The following AKAP13 variants were observed in gnomAD, a reference collection of about 807,000 sequenced individuals.
AKAP13 encodes A-kinase anchor protein 13.
A neutral mutation model predicts 264.5 loss-of-function variants in AKAP13; 80 were observed. The ratio of observed to expected loss-of-function variants is 0.30; its 90% CI spans 0.25 to 0.36. The LOEUF is 0.36. Ranked by LOEUF, AKAP13 falls within the 10% of genes least tolerant of loss-of-function variation. AKAP13 has a pLI of 1.00. For synonymous variants in AKAP13, 1,380 were observed against 1,250.2 expected, an observed-to-expected ratio of 1.10 and a Z score of -2.19; for missense variants, 3,712 against 3,435.2, an observed-to-expected ratio of 1.08 and a Z score of -2.01.
chr15:85,513,531 C>T (rs990136743), intron 2 of AKAP13, among the ~76,000 whole-genome samples: 9 of 152,284 alleles, frequency 5.9e-5, no homozygotes, highest in South Asian at 4.1e-4. Flanking sequence ...TAACATCTTA[C>T]GCCATTTGCT....
At chr15:85,441,484 A>C (rs2073650821) in intron 1 of AKAP13, among the ~76,000 whole-genome samples, 1 of 151,926 alleles carries the variant, frequency 6.6e-6, no homozygotes, top group Non-Finnish European at 1.5e-5. Context: ...GTGTCTTTTG[A>C]AGAGGAAAAG....
chr15:85,658,443 G>C (rs1236730232), intron 11 of AKAP13, 94 bp from the exon 12 acceptor site: 51 of 1,037,770 alleles, frequency 4.9e-5, no homozygotes, highest in South Asian at 9.2e-5. Context: ...TTTGAGCAGT[G>C]TCTCTCTCCC....
At chr15:85,722,767 A>T (rs74855699) in intron 25 of AKAP13, among the ~76,000 whole-genome samples, 5,764 of 141,042 alleles carry the variant, frequency 0.041, 172 homozygotes, top group East Asian at 0.18. Context: ...TAAAACAAAT[A>T]AAAAAAAAAA....
chr15:85,476,376 CT>C (rs761792773), intron 1 of AKAP13, among the ~76,000 whole-genome samples: 49 of 152,224 alleles, frequency 3.2e-4, no homozygotes, highest in Non-Finnish European at 6.3e-4. Context: ...TCACCATCAC[CT>C]TTTATTTAGA....
At chr15:85,503,718 C>T (rs1022178261) in intron 2 of AKAP13, among the ~76,000 whole-genome samples, 3 of 152,070 alleles carry the variant, frequency 2.0e-5, no homozygotes, top group African/African-American at 7.2e-5. Context: ...AGGAAGGGGC[C>T]CAGGTTTCTA....
At chr15:85,682,089 T>C (rs2151604006) in intron 14 of AKAP13, 69 bp from the exon 15 acceptor site, 1 of 1,428,832 alleles carries the variant, frequency 7.0e-7, no homozygotes, top group Non-Finnish European at 9.8e-7. Flanking sequence ...ATTGTGAATT[T>C]ATAAATATTC....
intron 29 of AKAP13, among the ~76,000 whole-genome samples, chr15:85,728,510 G>C (rs2151745217): frequency 6.6e-6 from 1 of 152,286 alleles, no homozygotes; most frequent in East Asian, 1.9e-4. Context: ...TCCTTAAAAA[G>C]AGCCCTTGCC....
At chr15:85,465,449 C>T (rs1371896221) in intron 1 of AKAP13, among the ~76,000 whole-genome samples, 12 of 148,838 alleles carry the variant, frequency 8.1e-5, no homozygotes, top group Non-Finnish European at 4.5e-5. Flanking sequence ...GTGCCGCACC[C>T]ATTAACTCGT....
At chr15:85,690,419 G>A (rs2085214682) in intron 16 of AKAP13, among the ~76,000 whole-genome samples, 4 of 152,118 alleles carry the variant, frequency 2.6e-5, no homozygotes, top group Admixed American at 2.6e-4. Context: ...GAAATTATTT[G>A]AAAAAACCCA....
At chr15:85,470,442 T>C (rs765917500) in intron 1 of AKAP13, among the ~76,000 whole-genome samples, 4 of 152,200 alleles carry the variant, frequency 2.6e-5, no homozygotes, top group Admixed American at 6.5e-5. Flanking sequence ...GTAATTCACT[T>C]TCAACTCAGA....
intron 2 of AKAP13, among the ~76,000 whole-genome samples, chr15:85,498,199 GATATATATAT>G (rs59420326): frequency 0.59 from 79,169 of 133,670 alleles, 23,562 homozygotes; most frequent in Middle Eastern, 0.68. Context: ...AATGAAGTGA[GATATATATAT>G]ATATATATAT....
In AKAP13 at chr15:85,570,857, G is replaced by A. The variant is rs570727164; in HGVS notation, c.663-4274G>A. Among the ~76,000 whole-genome samples, 2 of 152,290 alleles carry A rather than the reference G, an allele frequency of 1.3e-5. 1 individual carries two copies. Among genetic ancestry groups the A allele is most frequent in the South Asian group, 4.1e-4 (2 of 4,824 alleles). On this transcript the variant is annotated intron_variant, in intron 5 of 36. Coordinates refer to ENST00000394518, the MANE Select transcript of AKAP13 (RefSeq NM_007200.5). ...ACAGGCAGCCAGGGGATGATTTACT[G>A]AAGCAGGGACCCAAGGAGGGCAGGA...
At position 85,655,739 on chromosome 15, in the gene AKAP13, G is replaced by C. The variant is rs748953371; in HGVS notation, c.4697G>C (p.Trp1566Ser). ...CTTTCTCCCTTCCGGAGGCACAGCT[G>C]GGGGCCTGGGAAAAATGCAGCCAGC... ...RSLSPFRRHS[W>S]GPGKNAASDA... The change falls in exon 11 of 37, where the codon TGG becomes TCG. Residue 1566 changes from tryptophan (W) to serine (S), a missense_variant. Trp to Ser is a radical substitution (Grantham distance 177). Coordinates refer to ENST00000394518, the MANE Select transcript of AKAP13 (RefSeq NM_007200.5). 2 of 1,612,894 alleles carry C rather than the reference G, an allele frequency of 1.2e-6. No homozygotes were observed.
chr15:85,688,274 A>G (rs547865435), intron 16 of AKAP13, among the ~76,000 whole-genome samples: 1 of 152,296 alleles, frequency 6.6e-6, no homozygotes, highest in Non-Finnish European at 1.5e-5. Context: ...ATGTTAACAA[A>G]TTGAAAGTGC....
chr15:85,443,531 A>G (rs2150962302), intron 1 of AKAP13, among the ~76,000 whole-genome samples: 1 of 152,296 alleles, frequency 6.6e-6, no homozygotes, highest in Non-Finnish European at 1.5e-5. Flanking sequence ...TTTTGTTAGT[A>G]GAACCATGAA....
chr15:85,591,905 A>G (rs922822196), intron 8 of AKAP13, among the ~76,000 whole-genome samples: 17 of 152,234 alleles, frequency 1.1e-4, no homozygotes, highest in African/African-American at 4.1e-4. Flanking sequence ...CTATGGTCCT[A>G]ACAGTCAAAC....
chr15:85,746,216 G>A lies in AKAP13; in HGVS notation c.*1539G>A, dbSNP rs1291159998. 1 of 152,672 alleles carries A rather than the reference G, an allele frequency of 6.5e-6. No individual in the cohort carries two copies. The highest frequency in any genetic ancestry group is 2.4e-5 in the African/African-American group (1 of 41,468). The allele number at this position is 152,672 out of a possible 1,614,324, so 9.5% of individuals were successfully genotyped here. Reference sequence around the variant, plus strand: ...TGATGAATTGCAAGCTGGCCTTGCAGATGGAGATATTTATCTTTCAGTTTA... The same window carrying A: ...TGATGAATTGCAAGCTGGCCTTGCAAATGGAGATATTTATCTTTCAGTTTA... On this transcript the variant is annotated 3_prime_UTR_variant, in exon 37 of 37. Transcript: ENST00000394518.
intron 8 of AKAP13, among the ~76,000 whole-genome samples, chr15:85,635,717 G>C (rs935162674): frequency 1.6e-4 from 24 of 152,088 alleles, no homozygotes; most frequent in South Asian, 4.1e-4. Flanking sequence ...AAAGTATTCT[G>C]AGTTCATTTT....
intron 1 of AKAP13, among the ~76,000 whole-genome samples, chr15:85,421,318 A>C (rs1006076357): frequency 6.6e-6 from 1 of 152,274 alleles, no homozygotes; most frequent in Admixed American, 6.5e-5. Flanking sequence ...CTTGTGGAAC[A>C]GCTGGAGTGG....
Sources: gnomAD v4.1 joint callset for allele counts (sites outside exome capture counted in the v4.1 genomes callset) on GRCh38, gnomAD v4.1.1 for gene constraint, MANE v1.5 for transcripts, NCBI Gene and HGNC (gene_info 2026-07-23, HGNC 2026-07-21) for gene names.